The following ATXN7L3B variants were observed in gnomAD, a reference collection of about 807,000 sequenced individuals.
ATXN7L3B encodes the protein ataxin 7 like 3B.
In ATXN7L3B, 4 loss-of-function variants were observed where a neutral mutation model predicts 6.3. That is an observed-to-expected ratio of 0.63 (90% CI 0.31 to 1.45). The LOEUF (loss-of-function observed/expected upper bound fraction) is 1.45, where lower values mean the gene tolerates loss of function less well. ATXN7L3B is among the 40% of genes most tolerant of loss of function. The pLI, the probability that ATXN7L3B is intolerant of heterozygous loss-of-function variation, is 0.07. For missense variants in ATXN7L3B, 120 were observed against 118.5 expected (o/e 1.01, Z -0.06); for synonymous variants, 63 against 48.0 (o/e 1.31, Z -1.29).
chr12:74,540,547 A>T lies in ATXN7L3B; in HGVS notation c.*2141A>T, dbSNP rs545474710. The stretch of plus-strand genomic sequence containing the variant: ...GTTGTCCTGATCAGGCTTGGGGCCT[A>T]GTTACAGATTAGTCTTAAAGAATTG... On this transcript the variant is annotated 3_prime_UTR_variant, in exon 1 of 1. Transcript: ENST00000519948. The T allele has an allele frequency of 1.5e-4, 25 of 167,194 alleles. No homozygotes were observed. The highest frequency in any genetic ancestry group is 6.0e-4 in the African/African-American group (25 of 41,534). The allele number at this position is 167,194 out of a possible 1,614,324, so 10.4% of individuals were successfully genotyped here.
In ATXN7L3B at chr12:74,539,789, T is replaced by C. The variant is rs1259569138; in HGVS notation, c.*1383T>C. ...CATATCAAAACTACCCTCCACTTTA[T>C]TCCCTGAGCGAGGGTTTATGAAGTA... On this transcript the variant is annotated 3_prime_UTR_variant, in exon 1 of 1. Coordinates refer to ENST00000519948, the MANE Select transcript of ATXN7L3B (RefSeq NM_001136262.2). The C allele has an allele frequency of 6.0e-6, 1 of 167,076 alleles. No homozygotes were observed. Among genetic ancestry groups the C allele is most frequent in the Non-Finnish European group, 1.5e-5 (1 of 68,134 alleles). The allele number at this position is 167,076 out of a possible 1,614,324, so 10.3% of individuals were successfully genotyped here. A position where few individuals can be genotyped will look rare whatever the true frequency, so the allele number is the denominator to read the frequency against.
At position 74,541,541 on chromosome 12, in the gene ATXN7L3B, T is replaced by C. The variant is rs1007512712; in HGVS notation, c.*3135T>C. 1.3e-5 allele frequency: 2 copies of C among 155,198 alleles called. No individual in the cohort carries two copies. The highest frequency in any genetic ancestry group is 4.8e-5 in the African/African-American group (2 of 41,456). 9.6% of individuals were successfully genotyped at this position (155,198 alleles called of 1,614,324 possible). The stretch of plus-strand genomic sequence containing the variant: ...AATGAGATAAACGTTGAAATGCTAT[T>C]GAACCTTAATACTTCCTCCCTAACA... On this transcript the variant is annotated 3_prime_UTR_variant, in exon 1 of 1. Coordinates refer to ENST00000519948, the MANE Select transcript of ATXN7L3B (RefSeq NM_001136262.2).
chr12:74,537,936 T>G lies in ATXN7L3B; in HGVS notation c.-177T>G, dbSNP rs1407564693. 8 of 619,048 alleles carry G rather than the reference T, an allele frequency of 1.3e-5. No homozygotes were observed. Among genetic ancestry groups the G allele is most frequent in the Non-Finnish European group, 2.3e-5 (8 of 354,552 alleles). 38.3% of individuals were successfully genotyped at this position (619,048 alleles called of 1,614,324 possible). A position where few individuals can be genotyped will look rare whatever the true frequency, so the allele number is the denominator to read the frequency against. On this transcript the variant is annotated 5_prime_UTR_variant, in exon 1 of 1. Coordinates refer to ENST00000519948, the MANE Select transcript of ATXN7L3B (RefSeq NM_001136262.2). ...GAAACGTCAAAACAAACAGAAGGAC[T>G]TGGGATTCCGGAGCAGTCGCCCCTA...
At position 74,538,058 on chromosome 12, in the gene ATXN7L3B, G is replaced by A; in HGVS notation, c.-55G>A. 2.0e-6 allele frequency: 3 copies of A among 1,516,406 alleles called. No individual in the cohort carries two copies. Among genetic ancestry groups the A allele is most frequent in the Non-Finnish European group, 2.7e-6 (3 of 1,123,546 alleles). 93.9% of individuals were successfully genotyped at this position (1,516,406 alleles called of 1,614,324 possible). ...CTAGGCGCGGCCCGCGGAGCCAGACGTGTTGCTGCCGTGAGTAAAACGAGC... is the reference window on the plus strand; with the variant it reads ...CTAGGCGCGGCCCGCGGAGCCAGACATGTTGCTGCCGTGAGTAAAACGAGC... On this transcript the variant is annotated 5_prime_UTR_variant, in exon 1 of 1. The change creates a new upstream start codon in the 5' untranslated region. Transcript: ENST00000519948.
Position 74,538,478 on chromosome 12 carries a change from A to G in ATXN7L3B, c.*72A>G, listed in dbSNP as rs1868782445. The G allele has an allele frequency of 7.8e-7, 1 of 1,286,724 alleles. No homozygotes were observed. Among genetic ancestry groups the G allele is most frequent in the Non-Finnish European group, 1.1e-6 (1 of 948,446 alleles). The allele number at this position is 1,286,724 out of a possible 1,614,324, so 79.7% of individuals were successfully genotyped here. A position where few individuals can be genotyped will look rare whatever the true frequency, so the allele number is the denominator to read the frequency against. ...GTCCTGTGGCTTCGAGGAGTAAGCT[A>G]AGTAGAAAAAAGTAGAAAAATCAGA... On this transcript the variant is annotated 3_prime_UTR_variant, in exon 1 of 1. Transcript: ENST00000519948.
chr12:74,542,959 A>G lies in ATXN7L3B; in HGVS notation c.*4553A>G, dbSNP rs1004753111. ...GATAATACCAGATTTCAGAAGTTTTACTCTGCTGTGAAGGATTACGAGCTC... is the reference window on the plus strand; with the variant it reads ...GATAATACCAGATTTCAGAAGTTTTGCTCTGCTGTGAAGGATTACGAGCTC... On this transcript the variant is annotated 3_prime_UTR_variant, in exon 1 of 1. Transcript: ENST00000519948. The G allele has an allele frequency of 6.6e-6, 1 of 152,080 alleles. No homozygotes were observed. The highest frequency in any genetic ancestry group is 1.5e-5 in the Non-Finnish European group (1 of 67,978). The allele number at this position is 152,080 out of a possible 1,614,324, so 9.4% of individuals were successfully genotyped here.
At position 74,544,624 on chromosome 12, in the gene ATXN7L3B, T is replaced by C. The variant is rs1868978904; in HGVS notation, c.*6218T>C. 1 of 152,008 alleles carries C rather than the reference T, an allele frequency of 6.6e-6. No individual in the cohort carries two copies. Among genetic ancestry groups the C allele is most frequent in the South Asian group, 2.1e-4 (1 of 4,832 alleles). The allele number at this position is 152,008 out of a possible 1,614,324, so 9.4% of individuals were successfully genotyped here. On this transcript the variant is annotated 3_prime_UTR_variant, in exon 1 of 1. Coordinates refer to ENST00000519948, the MANE Select transcript of ATXN7L3B (RefSeq NM_001136262.2). ...ATAAAACTGTGCTCAGACACAAAATTAATTCCTATATGGATTAAAGATTTA... is the reference window on the plus strand; with the variant it reads ...ATAAAACTGTGCTCAGACACAAAATCAATTCCTATATGGATTAAAGATTTA...
In ATXN7L3B at chr12:74,543,202, T is replaced by A. The variant is rs1868939886; in HGVS notation, c.*4796T>A. The A allele has an allele frequency of 6.6e-6, 1 of 152,064 alleles. No homozygotes were observed. Among genetic ancestry groups the A allele is most frequent in the East Asian group, 1.9e-4 (1 of 5,194 alleles). The allele number at this position is 152,064 out of a possible 1,614,324, so 9.4% of individuals were successfully genotyped here. A position where few individuals can be genotyped will look rare whatever the true frequency, so the allele number is the denominator to read the frequency against. ...GCTAAAAAGGAAATACTAAATTGAT[T>A]TTAGAGATGAAAAAAAAATCTTCAG... On this transcript the variant is annotated 3_prime_UTR_variant, in exon 1 of 1. Coordinates refer to ENST00000519948, the MANE Select transcript of ATXN7L3B (RefSeq NM_001136262.2).
Position 74,538,639 on chromosome 12 carries a change from G to A in ATXN7L3B, c.*233G>A, listed in dbSNP as rs906840876. 4.9e-5 allele frequency: 27 copies of A among 549,740 alleles called. No homozygotes were observed. The highest frequency in any genetic ancestry group is 2.3e-4 in the South Asian group (11 of 47,354). The allele number at this position is 549,740 out of a possible 1,614,324, so 34.1% of individuals were successfully genotyped here. A position where few individuals can be genotyped will look rare whatever the true frequency, so the allele number is the denominator to read the frequency against. ...GCAGGAGGAGCTGCACAGCCTGCGG[G>A]CCATGCAGTGCCTGTTGATCTCTAA... On this transcript the variant is annotated 3_prime_UTR_variant, in exon 1 of 1. Transcript: ENST00000519948.
rs564642738 is a variant in ATXN7L3B at position 74,537,853 on chromosome 12, C to G, written c.-260C>G. The G allele has an allele frequency of 6.4e-6, 3 of 469,744 alleles. No individual in the cohort carries two copies. Among genetic ancestry groups the G allele is most frequent in the Admixed American group, 7.8e-5 (2 of 25,622 alleles). The allele number at this position is 469,744 out of a possible 1,614,324, so 29.1% of individuals were successfully genotyped here. On this transcript the variant is annotated 5_prime_UTR_variant, in exon 1 of 1. Transcript: ENST00000519948. ...GAGGCCCAGGAGGCTGGGTGAGGCG[C>G]TGAGACGGTTTGGCGGTGAGTCCTG...
In ATXN7L3B at chr12:74,543,790, G is replaced by T. The variant is rs1353931664; in HGVS notation, c.*5384G>T. The T allele has an allele frequency of 2.0e-5, 3 of 151,844 alleles. No individual in the cohort carries two copies. The highest frequency in any genetic ancestry group is 2.9e-5 in the Non-Finnish European group (2 of 67,870). 9.4% of individuals were successfully genotyped at this position (151,844 alleles called of 1,614,324 possible). ...TTGAAAAAATTCAATACGAATTATT[G>T]CCTAAAAAACAAAGACATTAACAAT... On this transcript the variant is annotated 3_prime_UTR_variant, in exon 1 of 1. Coordinates refer to ENST00000519948, the MANE Select transcript of ATXN7L3B (RefSeq NM_001136262.2).
In ATXN7L3B at chr12:74,537,895, A is replaced by G. The variant is rs1368664724; in HGVS notation, c.-218A>G. ...TGAGTCCTGGGCCAGGCGCAGCTGA[A>G]AGGCCCGCAACCCGGGAAACGTCAA... On this transcript the variant is annotated 5_prime_UTR_variant, in exon 1 of 1. Coordinates refer to ENST00000519948, the MANE Select transcript of ATXN7L3B (RefSeq NM_001136262.2). 1.1e-5 allele frequency: 6 copies of G among 569,860 alleles called. No homozygotes were observed. Among genetic ancestry groups the G allele is most frequent in the East Asian group, 3.0e-5 (1 of 33,628 alleles). The allele number at this position is 569,860 out of a possible 1,614,324, so 35.3% of individuals were successfully genotyped here. A position where few individuals can be genotyped will look rare whatever the true frequency, so the allele number is the denominator to read the frequency against.
At position 74,541,996 on chromosome 12, in the gene ATXN7L3B, C is replaced by T. The variant is rs1229799138; in HGVS notation, c.*3590C>T. ...TTCCCCTAGAAACTACTTAGTGATC[C>T]TGTGTCCTAATCAGTCTCTTGCTAT... On this transcript the variant is annotated 3_prime_UTR_variant, in exon 1 of 1. Transcript: ENST00000519948. 4 of 152,116 alleles carry T rather than the reference C, an allele frequency of 2.6e-5. No homozygotes were observed. The highest frequency in any genetic ancestry group is 2.6e-4 in the Admixed American group (4 of 15,268). 9.4% of individuals were successfully genotyped at this position (152,116 alleles called of 1,614,324 possible).
At position 74,538,328 on chromosome 12, in the gene ATXN7L3B, C is replaced by G. The variant is rs373071202; in HGVS notation, c.216C>G (p.Leu72=). Residue 72 remains leucine, a synonymous_variant, in exon 1 of 1, where the codon CTC becomes CTG. Coordinates refer to ENST00000519948, the MANE Select transcript of ATXN7L3B (RefSeq NM_001136262.2). The part of the protein sequence containing the change: ...QPVEDKGACR[L]PLCSLPGEPG... ...TGGAAGACAAAGGAGCGTGCCGCCT[C>G]CCGCTTTGCTCCCTTCCCGGAGAAC... is the stretch of plus-strand genomic sequence containing the variant. The G allele has an allele frequency of 2.7e-5, 42 of 1,552,650 alleles. No homozygotes were observed. The highest frequency in any genetic ancestry group is 9.8e-5 in the East Asian group (4 of 40,954).
At position 74,544,054 on chromosome 12, in the gene ATXN7L3B, A is replaced by G. The variant is rs1868960903; in HGVS notation, c.*5648A>G. 3 of 152,054 alleles carry G rather than the reference A, an allele frequency of 2.0e-5. No individual in the cohort carries two copies. Among genetic ancestry groups the G allele is most frequent in the Admixed American group, 2.0e-4 (3 of 15,274 alleles). The allele number at this position is 152,054 out of a possible 1,614,324, so 9.4% of individuals were successfully genotyped here. On this transcript the variant is annotated 3_prime_UTR_variant, in exon 1 of 1. Coordinates refer to ENST00000519948, the MANE Select transcript of ATXN7L3B (RefSeq NM_001136262.2). ...ATGGATAATTTTATAGAATCTACAAACATACCATTGAAAGTAGTGAGAAAA... is the reference window on the plus strand; with the variant it reads ...ATGGATAATTTTATAGAATCTACAAGCATACCATTGAAAGTAGTGAGAAAA...
rs1868984645 is a variant in ATXN7L3B, at chr12:74,544,870, A to C, written c.*6464A>C. ...TTGTTTAGTTCTTATAACTGATTAA[A>C]GATTACTAACAAAATAGTTGTACAA... On this transcript the variant is annotated 3_prime_UTR_variant, in exon 1 of 1. Coordinates refer to ENST00000519948, the MANE Select transcript of ATXN7L3B (RefSeq NM_001136262.2). The C allele has an allele frequency of 6.6e-6, 1 of 152,084 alleles. No homozygotes were observed. The highest frequency in any genetic ancestry group is 2.1e-4 in the South Asian group (1 of 4,834). The allele number at this position is 152,084 out of a possible 1,614,324, so 9.4% of individuals were successfully genotyped here. A position where few individuals can be genotyped will look rare whatever the true frequency, so the allele number is the denominator to read the frequency against.
rs1868911912 is a variant in ATXN7L3B, at chr12:74,542,012, C to T, written c.*3606C>T. On this transcript the variant is annotated 3_prime_UTR_variant, in exon 1 of 1. Transcript: ENST00000519948. ...TTAGTGATCCTGTGTCCTAATCAGT[C>T]TCTTGCTATGTGTTCTAATTTATTA... The T allele has an allele frequency of 6.6e-6, 1 of 152,134 alleles. No homozygotes were observed. Among genetic ancestry groups the T allele is most frequent in the Non-Finnish European group, 1.5e-5 (1 of 68,026 alleles). 9.4% of individuals were successfully genotyped at this position (152,134 alleles called of 1,614,324 possible).
rs995854908 is a variant in ATXN7L3B, at chr12:74,543,052, G to A, written c.*4646G>A. 1 of 152,080 alleles carries A rather than the reference G, an allele frequency of 6.6e-6. No individual in the cohort carries two copies. The highest frequency in any genetic ancestry group is 1.9e-4 in the East Asian group (1 of 5,190). 9.4% of individuals were successfully genotyped at this position (152,080 alleles called of 1,614,324 possible). ...TTTGGAGGACAGCATTAGAAGTGAT[G>A]TTCCTATTCAAAAAGGTTTTGTGGA... On this transcript the variant is annotated 3_prime_UTR_variant, in exon 1 of 1. Coordinates refer to ENST00000519948, the MANE Select transcript of ATXN7L3B (RefSeq NM_001136262.2).
In ATXN7L3B at chr12:74,537,987, C is replaced by T; in HGVS notation, c.-126C>T. The T allele has an allele frequency of 1.2e-6, 1 of 860,672 alleles. No individual in the cohort carries two copies. Among genetic ancestry groups the T allele is most frequent in the Non-Finnish European group, 1.8e-6 (1 of 564,504 alleles). The allele number at this position is 860,672 out of a possible 1,614,324, so 53.3% of individuals were successfully genotyped here. A position where few individuals can be genotyped will look rare whatever the true frequency, so the allele number is the denominator to read the frequency against. On this transcript the variant is annotated 5_prime_UTR_variant, in exon 1 of 1. Coordinates refer to ENST00000519948, the MANE Select transcript of ATXN7L3B (RefSeq NM_001136262.2). ...TCGCTGCTCCTGCAGTTGCGGACGC[C>T]ACCGACCCCGCCGCCGGAGGACTGG...
Sources: allele counts gnomAD v4.1 joint callset, GRCh38; gene constraint gnomAD v4.1.1; transcripts MANE v1.5; gene names NCBI Gene and HGNC (gene_info 2026-07-23, HGNC 2026-07-21).